The following DISP3 variants were observed in gnomAD, a reference collection of about 807,000 sequenced individuals.
The protein encoded by DISP3 is dispatched RND transporter family member 3.
DISP3 carries 101 observed loss-of-function variants against 135.3 expected under a neutral mutation model. The observed-to-expected ratio is 0.75, with a 90% confidence interval of 0.64 to 0.88. DISP3 has a LOEUF of 0.88. Among genes scored for constraint, DISP3 ranks in the 40% least tolerant of loss-of-function variants. The pLI is 0.00. For missense variants in DISP3, 1,713 were observed against 1,878.6 expected (o/e 0.91, Z 1.63); for synonymous variants, 856 against 817.0 (o/e 1.05, Z -0.81).
chr1:11,487,333 G>A (rs1641065019), intron 1 of DISP3, among the ~76,000 whole-genome samples: 1 of 152,198 alleles, frequency 6.6e-6, no homozygotes, highest in Non-Finnish European at 1.5e-5. Context: ...TTCCTGAGGG[G>A]ACATGGAGAA....
Position 11,534,363 on chromosome 1 carries a change from T to A in DISP3, c.3376-18T>A. On this transcript the variant is annotated intron_variant, in intron 17 of 20. Coordinates refer to ENST00000294484, the MANE Select transcript of DISP3 (RefSeq NM_020780.2). Reference sequence around the variant, plus strand: ...CACAGTCCCTGCCTGTCTCACTAGCTCACATCTCTCCCCACAGACCACGTA... The same window carrying A: ...CACAGTCCCTGCCTGTCTCACTAGCACACATCTCTCCCCACAGACCACGTA... 1 of 1,614,108 alleles carries A rather than the reference T, an allele frequency of 6.2e-7. No homozygotes were observed. The highest frequency in any genetic ancestry group is 1.1e-5 in the South Asian group (1 of 91,076).
chr1:11,534,459 C>T lies in DISP3; in HGVS notation c.3454C>T (p.Gln1152Ter), dbSNP rs1205880966. The change falls in exon 18 of 21, where the codon CAG (glutamine) becomes TAG (stop). Residue 1152 changes from glutamine to a stop codon, truncating the protein, a stop_gained. Transcript: ENST00000294484. LOFTEE classifies it high-confidence loss of function. The stretch of plus-strand genomic sequence containing the variant: ...GGAGAGCTTCCTCCAGCAGCAGCTG[C>T]AGGCCTTGCCCGAGGGCTCAGTCCT... The part of the protein sequence containing the change: ...RWESFLQQQL[Q>*]ALPEGSVLRR... The T allele has an allele frequency of 6.2e-7, 1 of 1,614,214 alleles. No homozygotes were observed. Among genetic ancestry groups the T allele is most frequent in the Non-Finnish European group, 8.5e-7 (1 of 1,180,044 alleles).
At chr1:11,498,584 T>C (rs373761706) in intron 1 of DISP3, among the ~76,000 whole-genome samples, 37 of 152,224 alleles carry the variant, frequency 2.4e-4, no homozygotes, top group African/African-American at 8.9e-4. Flanking sequence ...GCCTGCTTGA[T>C]GGGAGGAGTG....
chr1:11,496,507 C>CTCCG (rs1427380884), intron 1 of DISP3, among the ~76,000 whole-genome samples: 1 of 152,200 alleles, frequency 6.6e-6, no homozygotes, highest in Admixed American at 6.5e-5. Flanking sequence ...CCTAGTCCTA[C>CTCCG]TCCGGGCTTT....
intron 3 of DISP3, among the ~76,000 whole-genome samples, chr1:11,503,619 T>G (rs1641617081): frequency 6.6e-6 from 1 of 152,070 alleles, no homozygotes; most frequent in Admixed American, 6.5e-5. Flanking sequence ...CATTCTATCC[T>G]GGCCCCCATC....
intron 1 of DISP3, among the ~76,000 whole-genome samples, chr1:11,498,339 C>T (rs897797522): frequency 2.0e-5 from 3 of 152,148 alleles, no homozygotes; most frequent in African/African-American, 7.2e-5. Context: ...GCAGCAGCGT[C>T]GCTCACATGC....
At chr1:11,535,177 A>G in intron 19 of DISP3, 53 bp downstream of exon 19, 1 of 1,508,528 alleles carries the variant, frequency 6.6e-7, no homozygotes, top group African/African-American at 1.4e-5. Context: ...GGGAACAGAC[A>G]GTCTCCCCGG....
At chr1:11,522,978 G>GGAGCCCAGCCA (rs1451416563) in intron 10 of DISP3, among the ~76,000 whole-genome samples, 2 of 67,846 alleles carry the variant, frequency 2.9e-5, no homozygotes, top group Admixed American at 1.7e-4. Flanking sequence ...GGACCCAGCC[G>GGAGCCCAGCCA]GAGCCCAGCC....
chr1:11,519,927 C>CA lies in DISP3; in HGVS notation c.2200+51dup. 6.4e-7 allele frequency: 1 copy of CA among 1,554,408 alleles called. No homozygotes were observed. Among genetic ancestry groups the CA allele is most frequent in the Non-Finnish European group, 8.7e-7 (1 of 1,146,748 alleles). ...GCCCCCTGTCTCACAGCTCCACCCC[C>CA]AAAACACACAGGAACTGGGAGCCCA... On this transcript the variant is annotated intron_variant, in intron 9 of 20. Coordinates refer to ENST00000294484, the MANE Select transcript of DISP3 (RefSeq NM_020780.2). This position sits in a 1 kb window ranked among gnomAD's most constrained non-coding sequence, Gnocchi z 4.3.
chr1:11,517,532 G>A lies in DISP3; in HGVS notation c.1819G>A (p.Val607Ile), dbSNP rs771570129. 10 of 1,614,222 alleles carry A rather than the reference G, an allele frequency of 6.2e-6. No individual in the cohort carries two copies. The highest frequency in any genetic ancestry group is 5.0e-5 in the Admixed American group (3 of 60,024). Residue 607 changes from valine to isoleucine, a missense_variant, in exon 7 of 21, where the codon GTC (valine) becomes ATC (isoleucine). By Grantham distance (29) the Val-to-Ile change is conservative. Coordinates refer to ENST00000294484, the MANE Select transcript of DISP3 (RefSeq NM_020780.2). ...IVSCCWLAVL[V>I]TMPAALGLWS... ...GTCCTGTTGCTGGCTGGCCGTGCTT[G>A]TCACCATGCCTGCAGCTCTGGGCCT...
At chr1:11,481,733 T>G (rs963540127) in intron 1 of DISP3, 2 of 152,190 alleles carry the variant, frequency 1.3e-5, no homozygotes, top group South Asian at 2.1e-4. Flanking sequence ...GAACATTGAC[T>G]CTCTAGTGAG....
intron 12 of DISP3, among the ~76,000 whole-genome samples, 164 bp from the exon 13 acceptor site, chr1:11,526,487 C>G (rs562296087): frequency 6.6e-6 from 1 of 152,236 alleles, no homozygotes; most frequent in Non-Finnish European, 1.5e-5. Flanking sequence ...GTGCTGAACT[C>G]AAACCCAGGC....
At position 11,531,212 on chromosome 1, in the gene DISP3, A is replaced by G. The variant is rs1056462798; in HGVS notation, c.3229+179A>G. On this transcript the variant is annotated intron_variant, in intron 16 of 20. Transcript: ENST00000294484. This position sits in a 1 kb window ranked among gnomAD's most constrained non-coding sequence, Gnocchi z 5.2. ...AGGGTGGGGTGTGTGCCGGCAGTCG[A>G]GGGTTTTTGGATGTGAGCAGGCTTG... Among the ~76,000 whole-genome samples, 1 of 151,992 alleles carries G rather than the reference A, an allele frequency of 6.6e-6. No individual in the cohort carries two copies. Among genetic ancestry groups the G allele is most frequent in the African/African-American group, 2.4e-5 (1 of 41,366 alleles).
chr1:11,494,506 C>T (rs183695557), intron 1 of DISP3, among the ~76,000 whole-genome samples: 9 of 152,296 alleles, frequency 5.9e-5, no homozygotes, highest in East Asian at 5.8e-4. Context: ...ATCCGGAGAG[C>T]GGTGGATTCT....
Position 11,532,814 on chromosome 1 carries a change from C to T in DISP3, c.3375+1104C>T, listed in dbSNP as rs1642608375. 2.0e-5 allele frequency among the ~76,000 whole-genome samples: 3 copies of T among 152,176 alleles called. No individual in the cohort carries two copies. In the South Asian group the frequency reaches 6.2e-4, roughly 32 times the overall value. ...CCGGGTTCAAGCACTTCTCCCACCTCAGCCTCCCCAGTAGCTGGGACTACA... is the reference window on the plus strand; with the variant it reads ...CCGGGTTCAAGCACTTCTCCCACCTTAGCCTCCCCAGTAGCTGGGACTACA... On this transcript the variant is annotated intron_variant, in intron 17 of 20. Transcript: ENST00000294484.
intron 1 of DISP3, chr1:11,481,728 T>G (rs1485505951): frequency 1.3e-5 from 2 of 152,226 alleles, no homozygotes; most frequent in South Asian, 4.1e-4. Flanking sequence ...ATCTGGAACA[T>G]TGACTCTCTA....
In DISP3 at chr1:11,517,538, A is replaced by G. The variant is rs1241347732; in HGVS notation, c.1825A>G (p.Met609Val). The G allele has an allele frequency of 6.2e-7, 1 of 1,614,002 alleles. No homozygotes were observed. Among genetic ancestry groups the G allele is most frequent in the Non-Finnish European group, 8.5e-7 (1 of 1,180,014 alleles). ...SCCWLAVLVT[M>V]PAALGLWSLY... ...TTGCTGGCTGGCCGTGCTTGTCACCATGCCTGCAGCTCTGGGCCTCTGGAG... is the reference window on the plus strand; with the variant it reads ...TTGCTGGCTGGCCGTGCTTGTCACCGTGCCTGCAGCTCTGGGCCTCTGGAG... Residue 609 changes from methionine (M) to valine (V), a missense_variant, in exon 7 of 21, where the codon ATG (methionine) becomes GTG (valine). Transcript: ENST00000294484.
intron 3 of DISP3, 23 bp downstream of exon 3, chr1:11,502,920 G>C (rs371582702): frequency 6.3e-7 from 1 of 1,578,020 alleles, no homozygotes; most frequent in Non-Finnish European, 8.7e-7. Context: ...GCTGCATCCT[G>C]TGTGTGCATG....
intron 3 of DISP3, among the ~76,000 whole-genome samples, chr1:11,511,195 A>G (rs1162772119): frequency 6.6e-6 from 1 of 152,140 alleles, no homozygotes; most frequent in Non-Finnish European, 1.5e-5. Flanking sequence ...ATGTCCTCAC[A>G]TTTTAAAACC....
Sources: gnomAD v4.1 joint callset for allele counts (sites outside exome capture counted in the v4.1 genomes callset) on GRCh38, gnomAD v4.1.1 for gene constraint, Gnocchi (gnomAD v3.1) non-coding constraint, MANE v1.5 for transcripts, NCBI Gene and HGNC (gene_info 2026-07-23, HGNC 2026-07-21) for gene names.